Variants in DERA observed in about 807,000 individuals in gnomAD.
The protein encoded by DERA is 2-deoxy-D-ribose 5-phosphate aldolase.
DERA carries 15 observed loss-of-function variants against 41.1 expected under a neutral mutation model. The observed-to-expected ratio is 0.37, with a 90% CI of 0.24 to 0.56. DERA has a LOEUF of 0.56. Ranked by LOEUF, DERA falls within the 20% of genes least tolerant of loss-of-function variation. DERA has a pLI of 0.81. For missense variants in DERA, 396 were observed against 403.4 expected, an observed-to-expected ratio of 0.98 and a Z score of 0.16; for synonymous variants, 139 against 137.4, an observed-to-expected ratio of 1.01 and a Z score of -0.08.
intron 5 of DERA, among the ~76,000 whole-genome samples, chr12:15,969,429 G>A (rs1373821813): frequency 1.3e-5 from 2 of 152,212 alleles, no homozygotes; most frequent in Non-Finnish European, 2.9e-5. Flanking sequence ...CCACACTGGA[G>A]CACCAGCAGA....
In DERA at chr12:16,037,071, G is replaced by A. The variant is rs574912913; in HGVS notation, c.*325G>A. ...AGGGAGAAAAAAACAATATTAAACC[G>A]CCCAAGCAGTGTGCCCTAGCAGAGG... is the stretch of plus-strand genomic sequence containing the variant. On this transcript the variant is annotated 3_prime_UTR_variant, in exon 9 of 9. Coordinates refer to ENST00000428559, the MANE Select transcript of DERA (RefSeq NM_015954.4). This position sits in a 1 kb window ranked among gnomAD's most constrained non-coding sequence, Gnocchi z 6.7. 10 of 246,482 alleles carry A rather than the reference G, an allele frequency of 4.1e-5. No homozygotes were observed. Among genetic ancestry groups the A allele is most frequent in the Non-Finnish European group, 6.1e-5 (8 of 130,106 alleles). The allele number at this position is 246,482 out of a possible 1,614,324, so 15.3% of individuals were successfully genotyped here. A position where few individuals can be genotyped will look rare whatever the true frequency, so the allele number is the denominator to read the frequency against.
chr12:16,005,486 G>A (rs530344374), intron 6 of DERA, among the ~76,000 whole-genome samples: 1 of 152,256 alleles, frequency 6.6e-6, no homozygotes, highest in African/African-American at 2.4e-5. Context: ...CTTCAACCGA[G>A]TGAATGAAGA....
chr12:15,933,742 TCTC>T (rs1565587526), intron 1 of DERA, among the ~76,000 whole-genome samples: 2 of 152,272 alleles, frequency 1.3e-5, no homozygotes, highest in East Asian at 3.9e-4. Flanking sequence ...ATGTCTGTCT[TCTC>T]CTTGATTCTC....
In DERA at chr12:15,915,540, C is replaced by T. The variant is rs1948192779; in HGVS notation, c.31+4126C>T. On this transcript the variant is annotated intron_variant, in intron 1 of 8. Coordinates refer to ENST00000428559, the MANE Select transcript of DERA (RefSeq NM_015954.4). The surrounding 1 kb of genome is among the most constrained non-coding windows in gnomAD (Gnocchi z 4.8). The stretch of plus-strand genomic sequence containing the variant: ...AAACTCCTAGCCTCAAGTGATACTC[C>T]AGCCTCTGCCTCCCAAAGTGCTAGG... 6.6e-6 allele frequency among the ~76,000 whole-genome samples: 1 copy of T among 152,148 alleles called. No homozygotes were observed. The highest frequency in any genetic ancestry group is 1.5e-5 in the Non-Finnish European group (1 of 68,028).
intron 7 of DERA, chr12:16,032,961 A>G (rs1949103069): frequency 7.2e-6 from 2 of 278,156 alleles, no homozygotes; most frequent in Non-Finnish European, 1.4e-5. Flanking sequence ...TCTTTAACGA[A>G]CTAATTCTGC....
At chr12:15,946,996 T>G (rs552972510) in intron 1 of DERA, among the ~76,000 whole-genome samples, 2 of 152,354 alleles carry the variant, frequency 1.3e-5, no homozygotes, top group South Asian at 4.1e-4. Flanking sequence ...CAGTAGTTAT[T>G]CAGGAGCAGG....
intron 1 of DERA, among the ~76,000 whole-genome samples, chr12:15,914,298 C>G (rs1362338459): frequency 6.6e-6 from 1 of 151,592 alleles, no homozygotes; most frequent in South Asian, 2.1e-4. Flanking sequence ...ACGAGAATCG[C>G]TTGAACCCAG....
At position 15,995,723 on chromosome 12, in the gene DERA, C is replaced by T. The variant is rs571549136; in HGVS notation, c.637+13287C>T. Among the ~76,000 whole-genome samples, 6 of 152,242 alleles carry T rather than the reference C, an allele frequency of 3.9e-5. No individual in the cohort carries two copies. The highest frequency in any genetic ancestry group is 1.4e-4 in the African/African-American group (6 of 41,546). ...TATCAGAATATTTAGAGGGAAGTCACAGCACAGGATGAGATAAATTGAACC... is the reference window on the plus strand; with the variant it reads ...TATCAGAATATTTAGAGGGAAGTCATAGCACAGGATGAGATAAATTGAACC... On this transcript the variant is annotated intron_variant, in intron 6 of 8. Coordinates refer to ENST00000428559, the MANE Select transcript of DERA (RefSeq NM_015954.4). The surrounding 1 kb of genome is among the most constrained non-coding windows in gnomAD (Gnocchi z 5.1).
intron 1 of DERA, among the ~76,000 whole-genome samples, chr12:15,914,335 T>C (rs11056706): frequency 0.047 from 7,150 of 151,470 alleles, 540 homozygotes; most frequent in African/African-American, 0.16. Flanking sequence ...TGAGCTGGAA[T>C]TGTGCCACTG....
chr12:16,036,404 G>C lies in DERA; in HGVS notation c.900+23G>C, dbSNP rs1949129391. On this transcript the variant is annotated intron_variant, in intron 8 of 8. Coordinates refer to ENST00000428559, the MANE Select transcript of DERA (RefSeq NM_015954.4). The surrounding 1 kb of genome is among the most constrained non-coding windows in gnomAD (Gnocchi z 4.9). ...CAGGTGAGTAATCATCTCTGTCTTT[G>C]GAATAAATTAACAAGTGTTTTTTGA... 6.4e-7 allele frequency: 1 copy of C among 1,562,648 alleles called. No individual in the cohort carries two copies.
In DERA at chr12:16,036,962, A is replaced by T. The variant is rs570764959; in HGVS notation, c.*216A>T. The T allele has an allele frequency of 2.0e-6, 1 of 498,926 alleles. No individual in the cohort carries two copies. The highest frequency in any genetic ancestry group is 2.0e-5 in the African/African-American group (1 of 49,198). 30.9% of individuals were successfully genotyped at this position (498,926 alleles called of 1,614,324 possible). Reference sequence around the variant, plus strand: ...CTGAAATGATCTTAATTACTAGAAGATCTGCACTATTAACTTTGTGAAGAG... The same window carrying T: ...CTGAAATGATCTTAATTACTAGAAGTTCTGCACTATTAACTTTGTGAAGAG... On this transcript the variant is annotated 3_prime_UTR_variant, in exon 9 of 9. Transcript: ENST00000428559. The surrounding 1 kb of genome is among the most constrained non-coding windows in gnomAD (Gnocchi z 4.9).
In DERA at chr12:16,009,611, T is replaced by C. The variant is rs1168748726; in HGVS notation, c.638-22931T>C. 6.6e-6 allele frequency among the ~76,000 whole-genome samples: 1 copy of C among 152,220 alleles called. No homozygotes were observed. Among genetic ancestry groups the C allele is most frequent in the Non-Finnish European group, 1.5e-5 (1 of 68,038 alleles). On this transcript the variant is annotated intron_variant, in intron 6 of 8. Transcript: ENST00000428559. The surrounding 1 kb of genome is among the most constrained non-coding windows in gnomAD (Gnocchi z 5.3). ...TAGGTTATCATTGTGAATCTCATTT[T>C]CCATTTTGGTAATAAATTTAACAGC...
intron 6 of DERA, among the ~76,000 whole-genome samples, chr12:15,991,795 A>G (rs780720109): frequency 2.0e-5 from 3 of 152,066 alleles, no homozygotes; most frequent in African/African-American, 4.8e-5. Context: ...AGTCAGAAAG[A>G]TCTTTTTGCT....
At chr12:15,923,251 T>C (rs1261033651) in intron 1 of DERA, among the ~76,000 whole-genome samples, 1 of 151,822 alleles carries the variant, frequency 6.6e-6, no homozygotes, top group Non-Finnish European at 1.5e-5. Flanking sequence ...CTCGATCTCC[T>C]GACCTCGTGA....
chr12:15,955,426 T>C (rs1948531014), intron 1 of DERA, among the ~76,000 whole-genome samples: 1 of 152,132 alleles, frequency 6.6e-6, no homozygotes, highest in Admixed American at 6.5e-5. Context: ...AAACAGCCCT[T>C]GAGTGGGAAA....
Position 15,934,520 on chromosome 12 carries a change from A to G in DERA, c.32-22416A>G, listed in dbSNP as rs186802895. ...AGAATTGCTTGAACCTGGGAGGAGG[A>G]GGAGGTTGCAGTGAGCCGAGATCGT... is the stretch of plus-strand genomic sequence containing the variant. On this transcript the variant is annotated intron_variant, in intron 1 of 8. Coordinates refer to ENST00000428559, the MANE Select transcript of DERA (RefSeq NM_015954.4). Among the ~76,000 whole-genome samples the G allele has an allele frequency of 3.5e-4, 53 of 151,978 alleles. 1 individual carries two copies. The highest frequency in any genetic ancestry group is 1.3e-4 in the Non-Finnish European group (9 of 67,952).
rs1948301787 is a variant in DERA at position 15,928,216 on chromosome 12, A to T, written c.31+16802A>T. Among the ~76,000 whole-genome samples, 1 of 152,212 alleles carries T rather than the reference A, an allele frequency of 6.6e-6. No homozygotes were observed. The highest frequency in any genetic ancestry group is 6.5e-5 in the Admixed American group (1 of 15,282). ...CTGTAGCTACCATGCTGTGCAGTAG[A>T]TCTCAAAGACTTACTTTTCTTGTAT... is the stretch of plus-strand genomic sequence containing the variant. On this transcript the variant is annotated intron_variant, in intron 1 of 8. Transcript: ENST00000428559. This position sits in a 1 kb window ranked among gnomAD's most constrained non-coding sequence, Gnocchi z 4.6.
intron 1 of DERA, among the ~76,000 whole-genome samples, chr12:15,926,598 T>A (rs112289210): frequency 6.6e-6 from 1 of 150,736 alleles, no homozygotes; most frequent in Non-Finnish European, 1.5e-5. Context: ...TAGCCGGGCG[T>A]GGTGGCGGGC....
Position 15,911,689 on chromosome 12 carries a change from A to G in DERA, c.31+275A>G, listed in dbSNP as rs1948165060. 2 of 673,850 alleles carry G rather than the reference A, an allele frequency of 3.0e-6. No homozygotes were observed. Among genetic ancestry groups the G allele is most frequent in the South Asian group, 3.0e-5 (2 of 66,496 alleles). The allele number at this position is 673,850 out of a possible 1,614,324, so 41.7% of individuals were successfully genotyped here. Reference sequence around the variant, plus strand: ...ATCTTCCTGCCTTTTCGTTCACTCTAGCTCGCTGGTTGGAAAACCCAACAA... The same window carrying G: ...ATCTTCCTGCCTTTTCGTTCACTCTGGCTCGCTGGTTGGAAAACCCAACAA... On this transcript the variant is annotated intron_variant, in intron 1 of 8. Transcript: ENST00000428559. The surrounding 1 kb of genome is among the most constrained non-coding windows in gnomAD (Gnocchi z 4.5).
Sources: gnomAD v4.1 joint callset for allele counts (sites outside exome capture counted in the v4.1 genomes callset) on GRCh38, gnomAD v4.1.1 for gene constraint, Gnocchi (gnomAD v3.1) non-coding constraint, MANE v1.5 for transcripts, NCBI Gene and HGNC (gene_info 2026-07-23, HGNC 2026-07-21) for gene names.